The following KCNJ3 variants were observed in gnomAD, a reference collection of about 807,000 sequenced individuals.
KCNJ3 encodes the protein G protein-activated inward rectifier potassium channel 1.
In KCNJ3, 4 loss-of-function variants were observed where a neutral mutation model predicts 39.2. That is an observed-to-expected ratio of 0.10 (90% confidence interval 0.05 to 0.23). KCNJ3 has a LOEUF of 0.23. Ranked by LOEUF, KCNJ3 falls within the 10% of genes least tolerant of loss-of-function variation. The pLI, the probability that KCNJ3 is intolerant of heterozygous loss-of-function variation, is 1.00. For missense variants in KCNJ3, 276 were observed against 634.9 expected (o/e 0.43, Z 6.08); for synonymous variants, 230 against 237.4 (o/e 0.97, Z 0.29).
At chr2:154,745,081 G>A (rs1267907235) in intron 2 of KCNJ3, among the ~76,000 whole-genome samples, 1 of 151,722 alleles carries the variant, frequency 6.6e-6, no homozygotes, top group Non-Finnish European at 1.5e-5. Context: ...TTGTGTTCAG[G>A]GAACACACTC....
intron 2 of KCNJ3, among the ~76,000 whole-genome samples, chr2:154,834,722 A>G (rs1450936962): frequency 6.7e-6 from 1 of 150,188 alleles, no homozygotes; most frequent in African/African-American, 2.4e-5. Context: ...GCGAGACTCC[A>G]TCTCAAAAAA....
intron 2 of KCNJ3, among the ~76,000 whole-genome samples, chr2:154,851,404 T>C (rs971747627): frequency 5.3e-5 from 8 of 152,206 alleles, no homozygotes; most frequent in African/African-American, 1.9e-4. Flanking sequence ...GTGACTATTA[T>C]AGAACAATAA....
chr2:154,852,975 A>T (rs192061894), intron 2 of KCNJ3, among the ~76,000 whole-genome samples: 1,824 of 151,404 alleles, frequency 0.012, 19 homozygotes, highest in African/African-American at 0.031. Flanking sequence ...ACAACAATTT[A>T]AAAAAAAACC....
chr2:154,856,218 T>A lies in KCNJ3; in HGVS notation c.*905T>A, dbSNP rs1048584827. On this transcript the variant is annotated 3_prime_UTR_variant, in exon 3 of 3. Transcript: ENST00000295101. ...AAAATCTGGAAATCTGTTTTGTATA[T>A]GATCTAATACAAAGATGAGCTCTGA... 1 of 152,598 alleles carries A rather than the reference T, an allele frequency of 6.6e-6. No homozygotes were observed. Among genetic ancestry groups the A allele is most frequent in the African/African-American group, 2.4e-5 (1 of 41,460 alleles). The allele number at this position is 152,598 out of a possible 1,614,324, so 9.5% of individuals were successfully genotyped here. A position where few individuals can be genotyped will look rare whatever the true frequency, so the allele number is the denominator to read the frequency against.
At chr2:154,744,169 T>A (rs1433609045) in intron 2 of KCNJ3, among the ~76,000 whole-genome samples, 1 of 151,782 alleles carries the variant, frequency 6.6e-6, no homozygotes, top group Non-Finnish European at 1.5e-5. Context: ...GAACCAGCTT[T>A]GCAAACCTGG....
chr2:154,748,024 A>G (rs1334753243), intron 2 of KCNJ3, among the ~76,000 whole-genome samples: 8 of 152,074 alleles, frequency 5.3e-5, no homozygotes, highest in Admixed American at 4.6e-4. Flanking sequence ...CTAGAACCCT[A>G]GAGATTGTTG....
At chr2:154,840,773 C>T (rs1307041359) in intron 2 of KCNJ3, among the ~76,000 whole-genome samples, 1 of 152,144 alleles carries the variant, frequency 6.6e-6, no homozygotes, top group Non-Finnish European at 1.5e-5. Flanking sequence ...GATTTTTGCA[C>T]ATTGATTTTT....
At chr2:154,737,896 T>C (rs1685575775) in intron 2 of KCNJ3, among the ~76,000 whole-genome samples, 1 of 152,146 alleles carries the variant, frequency 6.6e-6, no homozygotes, top group African/African-American at 2.4e-5. Flanking sequence ...AAACTCCATG[T>C]ACATATGTAT....
At chr2:154,828,772 T>C (rs1687312425) in intron 2 of KCNJ3, among the ~76,000 whole-genome samples, 3 of 152,310 alleles carry the variant, frequency 2.0e-5, no homozygotes, top group East Asian at 3.9e-4. Context: ...TAAAGTCTTG[T>C]ATCTTTTCAA....
chr2:154,765,486 T>C (rs1156821954), intron 2 of KCNJ3, among the ~76,000 whole-genome samples: 2 of 152,200 alleles, frequency 1.3e-5, no homozygotes, highest in Non-Finnish European at 2.9e-5. Context: ...ACTGTATTTC[T>C]AGTGCCTAGC....
At chr2:154,825,712 G>C (rs1346701507) in intron 2 of KCNJ3, among the ~76,000 whole-genome samples, 1 of 151,648 alleles carries the variant, frequency 6.6e-6, no homozygotes, top group Non-Finnish European at 1.5e-5. Context: ...AAATACCGGG[G>C]ACCACAGGCA....
In KCNJ3 at chr2:154,751,359, T is replaced by G. The variant is rs1685842370; in HGVS notation, c.919+41540T>G. Among the ~76,000 whole-genome samples the G allele has an allele frequency of 2.0e-5, 3 of 152,158 alleles. No homozygotes were observed. In the South Asian group the frequency reaches 6.2e-4, roughly 32 times the overall value. ...AGTATTTCATTACATATCAAAATAA[T>G]TTCTAATTTTTATTTCATTTTTGAA... On this transcript the variant is annotated intron_variant, in intron 2 of 2. Coordinates refer to ENST00000295101, the MANE Select transcript of KCNJ3 (RefSeq NM_002239.4).
intron 2 of KCNJ3, among the ~76,000 whole-genome samples, chr2:154,727,685 T>G (rs1685383871): frequency 6.6e-6 from 1 of 151,270 alleles, no homozygotes; most frequent in Admixed American, 6.6e-5. Flanking sequence ...ATAGGTTCAA[T>G]ATGATTTCTC....
At chr2:154,817,802 T>C (rs1056259119) in intron 2 of KCNJ3, among the ~76,000 whole-genome samples, 1 of 152,132 alleles carries the variant, frequency 6.6e-6, no homozygotes, top group Non-Finnish European at 1.5e-5. Flanking sequence ...ATTCATGCCA[T>C]TCTCGTATTT....
intron 1 of KCNJ3, among the ~76,000 whole-genome samples, chr2:154,702,955 A>C (rs1357448493): frequency 6.6e-6 from 1 of 151,998 alleles, no homozygotes; most frequent in Non-Finnish European, 1.5e-5. Context: ...CATCCAATCG[A>C]AAGTTTTTAT....
chr2:154,753,940 C>G (rs1425247134), intron 2 of KCNJ3, among the ~76,000 whole-genome samples: 3 of 152,162 alleles, frequency 2.0e-5, no homozygotes, highest in Non-Finnish European at 4.4e-5. Context: ...TACTGCCTTT[C>G]AGAACCATAG....
intron 2 of KCNJ3, among the ~76,000 whole-genome samples, chr2:154,802,157 A>AT (rs981639197): frequency 1.3e-5 from 2 of 148,802 alleles, no homozygotes; most frequent in Non-Finnish European, 3.0e-5. Flanking sequence ...CCATTATGTA[A>AT]TTTTTTTTTA....
intron 2 of KCNJ3, among the ~76,000 whole-genome samples, chr2:154,854,028 A>ACTTTT (rs765768559): frequency 1.3e-5 from 2 of 152,108 alleles, no homozygotes; most frequent in Non-Finnish European, 2.9e-5. Context: ...CAGCACAATG[A>ACTTTT]CTTTTCTTTT....
rs1167197000 is a variant in KCNJ3 at position 154,836,144 on chromosome 2, A to G, written c.920-18583A>G. Among the ~76,000 whole-genome samples the G allele has an allele frequency of 8.0e-5, 12 of 149,248 alleles. No homozygotes were observed. In the Admixed American group the frequency reaches 8.0e-4, roughly 10 times the overall value. On this transcript the variant is annotated intron_variant, in intron 2 of 2. Transcript: ENST00000295101. ...AGAATCACTTGAACTCAGGAGGCGG[A>G]GGTTGCAATGAGCCAAGATCACACC... is the stretch of plus-strand genomic sequence containing the variant.
Sources: allele counts gnomAD v4.1 joint callset (sites outside exome capture counted in the v4.1 genomes callset), GRCh38; gene constraint gnomAD v4.1.1; transcripts MANE v1.5; gene names NCBI Gene and HGNC (gene_info 2026-07-23, HGNC 2026-07-21).